CEP63: variants seen among roughly 807,000 people sequenced by gnomAD.
The protein encoded by CEP63 is centrosomal protein of 63 kDa.
CEP63 carries 84 observed loss-of-function variants against 89.1 expected under a neutral mutation model. The ratio of observed to expected loss-of-function variants is 0.94; its 90% CI spans 0.79 to 1.13. The LOEUF (loss-of-function observed/expected upper bound fraction) is 1.13, where lower values mean the gene tolerates loss of function less well. Among genes scored for constraint, CEP63 ranks in the 50% most tolerant of loss-of-function variants. The pLI is 0.00. For missense variants in CEP63, 838 were observed against 813.3 expected, an observed-to-expected ratio of 1.03 and a Z score of -0.37; for synonymous variants, 267 against 272.5, an observed-to-expected ratio of 0.98 and a Z score of 0.20.
the CEP63 span, among the ~76,000 whole-genome samples, chr3:134,595,370 C>A: frequency 1.3e-5 from 2 of 152,196 alleles, no homozygotes; most frequent in East Asian, 3.8e-4. Flanking sequence ...AACTGTGAGT[C>A]AATTAAATCT....
At chr3:134,539,486 GAAT>G (rs774636330) in intron 6 of CEP63, among the ~76,000 whole-genome samples, 3 of 152,060 alleles carry the variant, frequency 2.0e-5, no homozygotes, top group Admixed American at 1.3e-4. Flanking sequence ...CACATTAATA[GAAT>G]AATAACTTCT....
rs765548189 is a variant in CEP63, at chr3:134,489,158, CAAAAA to C, written c.-26+2974_-26+2978del. On this transcript the variant is annotated intron_variant, in intron 1 of 14. Transcript: ENST00000675561. ...CCTGGGTGACGGAGCGAGACTGTCT[CAAAAA>C]AAAAAAAAAAAAAAAAATTCAGTTC... Among the ~76,000 whole-genome samples, 477 of 60,710 alleles carry C rather than the reference CAAAAA, an allele frequency of 7.9e-3. 5 individuals carry two copies. Among genetic ancestry groups the C allele is most frequent in the African/African-American group, 0.024 (461 of 19,192 alleles). The allele number at this position is 60,710 out of a possible 152,430, so 39.8% of individuals were successfully genotyped here. A position where few individuals can be genotyped will look rare whatever the true frequency, so the allele number is the denominator to read the frequency against.
intron 5 of CEP63, chr3:134,536,330 T>C (rs898540238): frequency 1.3e-5 from 2 of 152,524 alleles, no homozygotes; most frequent in Non-Finnish European, 2.9e-5. Flanking sequence ...GTAGAATGAT[T>C]GAATGAATGA....
At chr3:134,489,220 G>T (rs146482097) in intron 1 of CEP63, among the ~76,000 whole-genome samples, 2 of 151,868 alleles carry the variant, frequency 1.3e-5, no homozygotes, top group Admixed American at 6.6e-5. Flanking sequence ...TCAAGTGCTC[G>T]GTAGCTACAG....
At chr3:134,501,549 T>G (rs1273467261) in intron 2 of CEP63, among the ~76,000 whole-genome samples, 3 of 141,990 alleles carry the variant, frequency 2.1e-5, no homozygotes, top group Non-Finnish European at 4.6e-5. Context: ...TTTTCACCTC[T>G]GTAGTTAGAT....
At chr3:134,657,197 A>G in the CEP63 span, among the ~76,000 whole-genome samples, 1 of 152,216 alleles carries the variant, frequency 6.6e-6, no homozygotes, top group Admixed American at 6.5e-5. Context: ...GGAAGAAGCA[A>G]AAGCGGAAAC....
At chr3:134,775,499 G>A in the CEP63 span, among the ~76,000 whole-genome samples, 18 of 152,254 alleles carry the variant, frequency 1.2e-4, no homozygotes, top group African/African-American at 4.3e-4. Context: ...TTTGGCCAAA[G>A]GCAATTCTCC....
At chr3:134,653,063 G>A in the CEP63 span, among the ~76,000 whole-genome samples, 2 of 152,294 alleles carry the variant, frequency 1.3e-5, no homozygotes, top group South Asian at 4.1e-4. Flanking sequence ...TCTGACCTGG[G>A]AATGTGCTGC....
At chr3:134,504,775 T>C (rs1056706516) in intron 2 of CEP63, among the ~76,000 whole-genome samples, 1 of 152,156 alleles carries the variant, frequency 6.6e-6, no homozygotes, top group African/African-American at 2.4e-5. Flanking sequence ...CCATATGCCA[T>C]GTAGGCTTTC....
At chr3:134,507,068 A>T in intron 2 of CEP63, 41 bp from the exon 3 acceptor site, 1 of 1,536,090 alleles carries the variant, frequency 6.5e-7, no homozygotes. Context: ...AGCCACTTGA[A>T]CATATCTTCT....
the CEP63 span, among the ~76,000 whole-genome samples, chr3:134,693,089 C>A: frequency 6.6e-6 from 1 of 152,286 alleles, no homozygotes; most frequent in South Asian, 2.1e-4. Context: ...TCTGTTGGGA[C>A]AGTGTTCAGG....
the CEP63 span, among the ~76,000 whole-genome samples, chr3:134,646,599 A>G: frequency 6.6e-6 from 1 of 152,096 alleles, no homozygotes; most frequent in South Asian, 2.1e-4. Flanking sequence ...TTTCCCTTTC[A>G]TTATTGTCAG....
chr3:134,603,750 G>C, the CEP63 span: 1 of 1,612,266 alleles, frequency 6.2e-7, no homozygotes, highest in Non-Finnish European at 8.5e-7. Context: ...CCAGGACTTT[G>C]GCAATACCAT....
chr3:134,514,675 C>T (rs1424633986), intron 3 of CEP63, among the ~76,000 whole-genome samples: 2 of 152,176 alleles, frequency 1.3e-5, no homozygotes, highest in African/African-American at 2.4e-5. Flanking sequence ...CTCTACCAAA[C>T]GAGAATTCTG....
chr3:134,742,260 T>A, the CEP63 span, among the ~76,000 whole-genome samples: 1 of 152,096 alleles, frequency 6.6e-6, no homozygotes, highest in Admixed American at 6.6e-5. Context: ...ATCTGCAAGT[T>A]TTCCTCTCTC....
At chr3:134,715,852 C>A in the CEP63 span, among the ~76,000 whole-genome samples, 1 of 152,188 alleles carries the variant, frequency 6.6e-6, no homozygotes, top group South Asian at 2.1e-4. Flanking sequence ...AGATACAACC[C>A]CACAAATTTA....
intron 3 of CEP63, among the ~76,000 whole-genome samples, chr3:134,508,137 TATTAAG>T (rs1943925568): frequency 6.6e-6 from 1 of 152,204 alleles, no homozygotes. Flanking sequence ...TGAGAAAACT[TATTAAG>T]AATAGTTTAG....
At chr3:134,632,251 A>G in the CEP63 span, among the ~76,000 whole-genome samples, 1 of 152,104 alleles carries the variant, frequency 6.6e-6, no homozygotes, top group Non-Finnish European at 1.5e-5. Context: ...AATGAACTAC[A>G]CAATGAATAA....
At chr3:134,650,999 C>T in the CEP63 span, 10 of 1,611,804 alleles carry the variant, frequency 6.2e-6, no homozygotes, top group Non-Finnish European at 8.5e-6. Flanking sequence ...CGCGGCCGCA[C>T]GCTAGGCTGC....
Sources: allele counts gnomAD v4.1 joint callset (sites outside exome capture counted in the v4.1 genomes callset), GRCh38; gene constraint gnomAD v4.1.1; transcripts MANE v1.5; gene names NCBI Gene and HGNC (gene_info 2026-07-23, HGNC 2026-07-21).